Variants in CLSTN2 observed in about 807,000 individuals in gnomAD.
CLSTN2 encodes calsyntenin 2, also known as calsyntenin-2.
Under a neutral mutation model 101.2 loss-of-function variants are expected in CLSTN2, and 48 were observed. That is an observed-to-expected ratio of 0.47 (90% CI 0.38 to 0.60). The LOEUF (loss-of-function observed/expected upper bound fraction) is 0.60. Among genes scored for constraint, CLSTN2 ranks in the 20% least tolerant of loss-of-function variants. The probability of loss-of-function intolerance (pLI) is 0.00; values close to 1 mark genes in which losing one functional copy is unlikely to be tolerated. For missense variants in CLSTN2, 1,160 were observed against 1,238.2 expected, an observed-to-expected ratio of 0.94 and a Z score of 0.95; for synonymous variants, 481 against 463.6, an observed-to-expected ratio of 1.04 and a Z score of -0.48.
intron 1 of CLSTN2, among the ~76,000 whole-genome samples, chr3:140,122,107 G>T (rs986027754): frequency 1.4e-4 from 22 of 152,136 alleles, no homozygotes; most frequent in African/African-American, 4.8e-4. Flanking sequence ...TCTCCCCATG[G>T]TCTCTCTCCT....
chr3:140,321,635 G>A (rs903321330), intron 2 of CLSTN2, among the ~76,000 whole-genome samples: 3 of 152,022 alleles, frequency 2.0e-5, no homozygotes, highest in African/African-American at 7.2e-5. Context: ...GGAGGGGGAG[G>A]ACCTGAGGAG....
At chr3:140,338,338 T>G (rs1034972235) in intron 2 of CLSTN2, among the ~76,000 whole-genome samples, 5 of 152,210 alleles carry the variant, frequency 3.3e-5, no homozygotes, top group African/African-American at 1.2e-4. Context: ...CATAAGTCTG[T>G]CTGTGATGCC....
rs546420467 is a variant in CLSTN2 at position 140,241,994 on chromosome 3, G to A, written c.232+65921G>A. Among the ~76,000 whole-genome samples the A allele has an allele frequency of 6.2e-4, 94 of 151,722 alleles. 2 individuals are homozygous for A. The highest frequency in any genetic ancestry group is 4.4e-3 in the South Asian group (21 of 4,790). ...ACAGTCTTGGCTCACTGCAACCTCC[G>A]TCTCCTGGGTTCAAGCGATTCTCCT... is the stretch of plus-strand genomic sequence containing the variant. On this transcript the variant is annotated intron_variant, in intron 2 of 16. Coordinates refer to ENST00000458420, the MANE Select transcript of CLSTN2 (RefSeq NM_022131.3).
intron 2 of CLSTN2, among the ~76,000 whole-genome samples, chr3:140,316,376 C>T (rs1177913439): frequency 1.3e-5 from 2 of 152,182 alleles, no homozygotes; most frequent in East Asian, 3.9e-4. Flanking sequence ...CTCATAGAAT[C>T]GTGATCAAGT....
intron 2 of CLSTN2, among the ~76,000 whole-genome samples, chr3:140,240,137 T>A (rs1559816085): frequency 1.1e-4 from 1 of 8,950 alleles, no homozygotes; most frequent in Non-Finnish European, 7.0e-4. Context: ...ACCTGGTTTC[T>A]CTCTCTCTCT....
At chr3:140,399,878 G>C (rs2088221404) in intron 2 of CLSTN2, among the ~76,000 whole-genome samples, 1 of 150,780 alleles carries the variant, frequency 6.6e-6, no homozygotes, top group Admixed American at 6.6e-5. Flanking sequence ...CCCTCCCCCT[G>C]TTTGTATTCC....
intron 5 of CLSTN2, among the ~76,000 whole-genome samples, chr3:140,425,639 A>G (rs1310103680): frequency 6.6e-6 from 1 of 152,206 alleles, no homozygotes; most frequent in East Asian, 1.9e-4. Context: ...GTTTGCTAGC[A>G]TCACTCACCA....
At chr3:139,944,402 T>A (rs1935184387) in intron 1 of CLSTN2, among the ~76,000 whole-genome samples, 1 of 152,214 alleles carries the variant, frequency 6.6e-6, no homozygotes, top group South Asian at 2.1e-4. Context: ...CACCTGGGAA[T>A]CTATGTGAAG....
intron 1 of CLSTN2, among the ~76,000 whole-genome samples, chr3:140,003,523 C>G (rs1391994993): frequency 6.6e-6 from 1 of 152,010 alleles, no homozygotes; most frequent in African/African-American, 2.4e-5. Flanking sequence ...CCCTTTATAC[C>G]TTTCTCTTTT....
chr3:140,290,400 C>T (rs1157021713), intron 2 of CLSTN2, among the ~76,000 whole-genome samples: 2 of 152,128 alleles, frequency 1.3e-5, no homozygotes, highest in Non-Finnish European at 2.9e-5. Context: ...CCACAATATA[C>T]CCGAGCATTA....
intron 1 of CLSTN2, among the ~76,000 whole-genome samples, chr3:140,091,053 G>T (rs528761673): frequency 1.6e-4 from 24 of 152,120 alleles, no homozygotes; most frequent in Non-Finnish European, 2.8e-4. Flanking sequence ...GTCGACAACT[G>T]TGTCCCCTGG....
intron 1 of CLSTN2, among the ~76,000 whole-genome samples, chr3:140,120,566 G>A (rs1381390799): frequency 6.6e-6 from 1 of 152,202 alleles, no homozygotes; most frequent in African/African-American, 2.4e-5. Context: ...GTTGGGGAAT[G>A]GGGCTGAAAG....
intron 2 of CLSTN2, among the ~76,000 whole-genome samples, chr3:140,373,269 T>C (rs2087878878): frequency 6.6e-6 from 1 of 152,098 alleles, no homozygotes; most frequent in Admixed American, 6.5e-5. Flanking sequence ...ATAGGAGAGA[T>C]CATCACATGA....
At chr3:140,003,985 T>G (rs2006905003) in intron 1 of CLSTN2, among the ~76,000 whole-genome samples, 1 of 152,228 alleles carries the variant, frequency 6.6e-6, no homozygotes, top group Admixed American at 6.5e-5. Flanking sequence ...ATAATTTTTT[T>G]GTATGCTCGT....
chr3:140,262,312 A>C (rs535760462), intron 2 of CLSTN2, among the ~76,000 whole-genome samples: 1 of 152,334 alleles, frequency 6.6e-6, no homozygotes, highest in Admixed American at 6.5e-5. Context: ...TTCCACCCAT[A>C]GGATGCCAGT....
intron 1 of CLSTN2, among the ~76,000 whole-genome samples, chr3:139,971,586 G>C (rs1164315572): frequency 1.3e-5 from 2 of 152,186 alleles, no homozygotes; most frequent in Non-Finnish European, 2.9e-5. Flanking sequence ...TCCCCAAGCA[G>C]GAACAGTTGT....
At chr3:140,451,762 C>A (rs754471733) in intron 6 of CLSTN2, among the ~76,000 whole-genome samples, 46 of 152,192 alleles carry the variant, frequency 3.0e-4, no homozygotes, top group African/African-American at 9.4e-4. Flanking sequence ...GTTCCAGAGA[C>A]AAGTTTCTGT....
At chr3:140,307,736 A>G (rs946185653) in intron 2 of CLSTN2, among the ~76,000 whole-genome samples, 1 of 152,112 alleles carries the variant, frequency 6.6e-6, no homozygotes, top group Non-Finnish European at 1.5e-5. Flanking sequence ...CAGCTTCCCT[A>G]AAATGTCTGT....
intron 1 of CLSTN2, among the ~76,000 whole-genome samples, chr3:139,985,488 C>G (rs904069487): frequency 4.6e-5 from 7 of 152,088 alleles, no homozygotes; most frequent in Non-Finnish European, 8.8e-5. Flanking sequence ...GATTGCGTTT[C>G]CTAGCTGGGG....
Sources: allele counts gnomAD v4.1 joint callset (sites outside exome capture counted in the v4.1 genomes callset), GRCh38; gene constraint gnomAD v4.1.1; transcripts MANE v1.5; gene names NCBI Gene and HGNC (gene_info 2026-07-23, HGNC 2026-07-21).